Variants in CNTNAP2 observed in about 807,000 individuals in gnomAD.
The protein encoded by CNTNAP2 is contactin-associated protein-like 2.
CNTNAP2 carries 98 observed loss-of-function variants against 155.2 expected under a neutral mutation model. The observed-to-expected ratio is 0.63, with a 90% CI of 0.54 to 0.75. CNTNAP2 has a LOEUF of 0.75. CNTNAP2 is among the 30% of genes least tolerant of loss of function. The pLI is 0.00. For synonymous variants in CNTNAP2, 651 were observed against 631.2 expected, an observed-to-expected ratio of 1.03 and a Z score of -0.47; for missense variants, 1,727 against 1,688.1, an observed-to-expected ratio of 1.02 and a Z score of -0.40.
At chr7:147,023,566 C>G (rs1431615052) in intron 3 of CNTNAP2, among the ~76,000 whole-genome samples, 1 of 152,118 alleles carries the variant, frequency 6.6e-6, no homozygotes, top group African/African-American at 2.4e-5. Context: ...CATTTTGTAG[C>G]CTCACATACT....
chr7:146,177,384 A>G (rs1039338108), intron 1 of CNTNAP2, among the ~76,000 whole-genome samples: 3 of 152,226 alleles, frequency 2.0e-5, no homozygotes, highest in Non-Finnish European at 4.4e-5. Context: ...AAAAAAAACA[A>G]CAACAGACTA....
At chr7:147,975,323 G>C (rs1801410773) in intron 14 of CNTNAP2, among the ~76,000 whole-genome samples, 2 of 151,838 alleles carry the variant, frequency 1.3e-5, no homozygotes, top group Non-Finnish European at 1.5e-5. Context: ...GGAAGGGCAT[G>C]GGGGGTGCTT....
Position 146,937,356 on chromosome 7 carries a change from A to AAAT in CNTNAP2, c.402+97454_402+97455insTAA, listed in dbSNP as rs1188815120. On this transcript the variant is annotated intron_variant, in intron 3 of 23. Coordinates refer to ENST00000361727, the MANE Select transcript of CNTNAP2 (RefSeq NM_014141.6). ...ACAGGGTGAGACTCTTGTCTCAAAA[A>AAAT]AAAAAATAAAAATAAAATAAAATAA... Among the ~76,000 whole-genome samples, 4 of 140,876 alleles carry AAAT rather than the reference A, an allele frequency of 2.8e-5. No homozygotes were observed. In the South Asian group the frequency reaches 6.8e-4, roughly 24 times the overall value. 92.4% of individuals were successfully genotyped at this position (140,876 alleles called of 152,430 possible).
chr7:147,354,100 A>C (rs542213922), intron 9 of CNTNAP2, among the ~76,000 whole-genome samples: 3 of 152,038 alleles, frequency 2.0e-5, no homozygotes, highest in African/African-American at 7.2e-5. Context: ...AGTCACTCTG[A>C]TGATAGTTTC....
At chr7:146,895,499 A>G (rs531101471) in intron 3 of CNTNAP2, among the ~76,000 whole-genome samples, 1 of 152,282 alleles carries the variant, frequency 6.6e-6, no homozygotes, top group South Asian at 2.1e-4. Flanking sequence ...AAATCTCATA[A>G]TCAAATTATG....
chr7:146,297,905 G>A (rs923479081), intron 1 of CNTNAP2, among the ~76,000 whole-genome samples: 3 of 151,626 alleles, frequency 2.0e-5, no homozygotes, highest in Non-Finnish European at 2.9e-5. Flanking sequence ...AGACACACAC[G>A]TAAATAAAAA....
intron 3 of CNTNAP2, among the ~76,000 whole-genome samples, chr7:146,982,282 A>G (rs1798032247): frequency 6.6e-6 from 1 of 152,178 alleles, no homozygotes; most frequent in Admixed American, 6.5e-5. Context: ...TTTAGGGTGG[A>G]ACTTTATAAA....
At chr7:147,724,181 C>T (rs941345517) in intron 13 of CNTNAP2, among the ~76,000 whole-genome samples, 4 of 151,950 alleles carry the variant, frequency 2.6e-5, no homozygotes, top group African/African-American at 9.7e-5. Flanking sequence ...AGAAGGCCTA[C>T]CAAACATGTA....
At chr7:147,170,420 C>CTTTGTTTG in intron 8 of CNTNAP2, among the ~76,000 whole-genome samples, 1 of 152,036 alleles carries the variant, frequency 6.6e-6, no homozygotes, top group East Asian at 1.9e-4. Flanking sequence ...TGTGCCGTGG[C>CTTTGTTTG]TTTGTTTGTT....
At chr7:147,157,601 C>A (rs755702037) in intron 8 of CNTNAP2, among the ~76,000 whole-genome samples, 54 of 152,148 alleles carry the variant, frequency 3.5e-4, no homozygotes, top group Admixed American at 2.8e-3. Context: ...TAATACTGTG[C>A]AATGGTATTA....
chr7:147,628,994 A>T (rs1425219735), intron 12 of CNTNAP2, among the ~76,000 whole-genome samples: 1 of 152,112 alleles, frequency 6.6e-6, no homozygotes, highest in Non-Finnish European at 1.5e-5. Flanking sequence ...TTTATAAGGG[A>T]ATTATTACCA....
chr7:147,792,653 T>G (rs952122024), intron 13 of CNTNAP2, among the ~76,000 whole-genome samples: 1 of 152,200 alleles, frequency 6.6e-6, no homozygotes, highest in African/African-American at 2.4e-5. Context: ...TAATAATGCT[T>G]CTATGACCAT....
chr7:146,146,744 T>G (rs1223907046), intron 1 of CNTNAP2, among the ~76,000 whole-genome samples: 1 of 152,204 alleles, frequency 6.6e-6, no homozygotes, highest in East Asian at 1.9e-4. Flanking sequence ...TATTAATAGC[T>G]AAACAATATA....
intron 1 of CNTNAP2, among the ~76,000 whole-genome samples, chr7:146,566,183 A>G (rs562086364): frequency 2.0e-4 from 31 of 152,328 alleles, no homozygotes; most frequent in Non-Finnish European, 3.4e-4. Flanking sequence ...AGTCTTCCTT[A>G]AGATAGCATC....
intron 15 of CNTNAP2, among the ~76,000 whole-genome samples, chr7:148,032,270 A>C (rs548773821): frequency 6.6e-6 from 1 of 152,156 alleles, no homozygotes; most frequent in Non-Finnish European, 1.5e-5. Context: ...TGATATCTAC[A>C]GGGGCACTGG....
chr7:148,164,232 C>A (rs150365782), intron 17 of CNTNAP2, among the ~76,000 whole-genome samples: 177 of 152,328 alleles, frequency 1.2e-3, no homozygotes, highest in African/African-American at 4.2e-3. Context: ...GCCACCACAC[C>A]CAGCCCACCA....
At position 146,480,259 on chromosome 7, in the gene CNTNAP2, T is replaced by G. The variant is rs553443697; in HGVS notation, c.98-294012T>G. Among the ~76,000 whole-genome samples, 10 of 151,942 alleles carry G rather than the reference T, an allele frequency of 6.6e-5. 1 individual carries two copies. In the South Asian group the frequency reaches 2.1e-3, roughly 32 times the overall value. Reference sequence around the variant, plus strand: ...AAAGGGTAAATTTCTAAAACGAAATTGTAAATAAAAGAATGGAAATGATTG... The same window carrying G: ...AAAGGGTAAATTTCTAAAACGAAATGGTAAATAAAAGAATGGAAATGATTG... On this transcript the variant is annotated intron_variant, in intron 1 of 23. Transcript: ENST00000361727.
intron 1 of CNTNAP2, among the ~76,000 whole-genome samples, chr7:146,145,669 G>A (rs967529133): frequency 1.3e-5 from 2 of 152,118 alleles, no homozygotes; most frequent in Admixed American, 1.3e-4. Context: ...TGGTCCCACA[G>A]CAATATAGTT....
At chr7:146,190,066 AAT>A (rs10590781) in intron 1 of CNTNAP2, among the ~76,000 whole-genome samples, 43,925 of 152,080 alleles carry the variant, frequency 0.29, 7,164 homozygotes, top group African/African-American at 0.44. Flanking sequence ...TCTGACTTAT[AAT>A]ATGTCAGGTA....
Sources: gnomAD v4.1 joint callset for allele counts (sites outside exome capture counted in the v4.1 genomes callset) on GRCh38, gnomAD v4.1.1 for gene constraint, MANE v1.5 for transcripts, NCBI Gene and HGNC (gene_info 2026-07-23, HGNC 2026-07-21) for gene names.